The following FBXL17 variants were observed in gnomAD, a reference collection of about 807,000 sequenced individuals.
FBXL17 encodes F-box and leucine rich repeat protein 17.
FBXL17 carries 22 observed loss-of-function variants against 66.2 expected under a neutral mutation model. That is an observed-to-expected ratio of 0.33 (90% CI 0.24 to 0.47). The LOEUF (loss-of-function observed/expected upper bound fraction) is 0.47. FBXL17 is among the 20% of genes least tolerant of loss of function. The pLI, the probability that FBXL17 is intolerant of heterozygous loss-of-function variation, is 1.00. For missense variants in FBXL17, 878 were observed against 948.2 expected (o/e 0.93, Z 0.97); for synonymous variants, 474 against 400.5 (o/e 1.18, Z -2.19).
At chr5:108,284,985 A>G (rs1414143952) in intron 4 of FBXL17, among the ~76,000 whole-genome samples, 1 of 151,902 alleles carries the variant, frequency 6.6e-6, no homozygotes, top group Non-Finnish European at 1.5e-5. Context: ...AATTGAAGTA[A>G]ATCCTCTCAA....
At chr5:108,131,446 C>T (rs2149976725) in intron 6 of FBXL17, among the ~76,000 whole-genome samples, 1 of 152,196 alleles carries the variant, frequency 6.6e-6, no homozygotes, top group East Asian at 1.9e-4. Context: ...GAGGTGGATG[C>T]TTCTATGAAA....
chr5:107,924,431 G>A (rs1021838562), intron 7 of FBXL17, among the ~76,000 whole-genome samples: 1 of 152,088 alleles, frequency 6.6e-6, no homozygotes, highest in African/African-American at 2.4e-5. Context: ...ATGGTATCTA[G>A]GCATTTGCAT....
At chr5:108,240,162 C>T (rs1412169495) in intron 4 of FBXL17, among the ~76,000 whole-genome samples, 2 of 152,084 alleles carry the variant, frequency 1.3e-5, no homozygotes, top group Admixed American at 1.3e-4. Context: ...AAAAAAACTC[C>T]TTCTACTTGA....
intron 6 of FBXL17, among the ~76,000 whole-genome samples, chr5:108,058,725 C>G (rs571257660): frequency 3.3e-5 from 5 of 152,080 alleles, no homozygotes; most frequent in African/African-American, 1.2e-4. Context: ...TGAATTTGGG[C>G]CAGGTCTGTA....
At chr5:107,877,210 A>T (rs1748641190) in intron 8 of FBXL17, among the ~76,000 whole-genome samples, 1 of 152,174 alleles carries the variant, frequency 6.6e-6, no homozygotes. Context: ...TGACTTTACA[A>T]CTGCCTGGGG....
At chr5:108,243,360 T>A (rs1755948177) in intron 4 of FBXL17, among the ~76,000 whole-genome samples, 1 of 152,210 alleles carries the variant, frequency 6.6e-6, no homozygotes, top group East Asian at 1.9e-4. Context: ...GACTGTTCCA[T>A]CTTTAATTAA....
intron 4 of FBXL17, among the ~76,000 whole-genome samples, chr5:108,325,212 TA>T (rs1397436620): frequency 1.3e-5 from 2 of 152,086 alleles, no homozygotes; most frequent in Non-Finnish European, 2.9e-5. Context: ...TTACCACAAT[TA>T]TTTTTTTATT....
intron 7 of FBXL17, among the ~76,000 whole-genome samples, chr5:107,882,612 A>G (rs1748830682): frequency 6.6e-6 from 1 of 152,180 alleles, no homozygotes; most frequent in East Asian, 1.9e-4. Flanking sequence ...AAAAGTTTGC[A>G]GAAATGGTCT....
intron 4 of FBXL17, among the ~76,000 whole-genome samples, chr5:108,321,658 AT>A (rs1396652123): frequency 1.3e-5 from 2 of 151,856 alleles, no homozygotes; most frequent in Non-Finnish European, 2.9e-5. Flanking sequence ...CTTTCTAACT[AT>A]AACTCAAAAC....
At chr5:107,879,978 T>C (rs756705064) in intron 8 of FBXL17, 75 of 818,884 alleles carry the variant, frequency 9.2e-5, no homozygotes, top group Non-Finnish European at 1.1e-4. Context: ...CCCTTCACAA[T>C]GCAAATAACT....
intron 6 of FBXL17, among the ~76,000 whole-genome samples, chr5:108,184,350 A>T (rs764957134): frequency 6.6e-6 from 1 of 152,012 alleles, no homozygotes; most frequent in African/African-American, 2.4e-5. Context: ...TCTATCACCC[A>T]GGCTGGAGTG....
chr5:107,900,311 T>C (rs539960104), intron 7 of FBXL17, among the ~76,000 whole-genome samples: 44 of 152,292 alleles, frequency 2.9e-4, no homozygotes, highest in African/African-American at 1.0e-3. Flanking sequence ...ATATATGTAA[T>C]AGTGATTACA....
chr5:108,109,489 T>C (rs2149951147), intron 6 of FBXL17, among the ~76,000 whole-genome samples: 1 of 152,352 alleles, frequency 6.6e-6, no homozygotes, highest in East Asian at 1.9e-4. Flanking sequence ...TGACTGACTT[T>C]TTCATCAAAC....
chr5:108,049,309 AT>A lies in FBXL17; in HGVS notation c.1746-28309del, dbSNP rs112236020. Among the ~76,000 whole-genome samples, 892 of 145,340 alleles carry A rather than the reference AT, an allele frequency of 6.1e-3. 7 individuals are homozygous for A. The highest frequency in any genetic ancestry group is 0.016 in the African/African-American group (624 of 39,990). On this transcript the variant is annotated intron_variant, in intron 6 of 8. Coordinates refer to ENST00000542267, the MANE Select transcript of FBXL17 (RefSeq NM_001163315.3). ...AGGCACCCACCACCACACCCAGCTA[AT>A]TTTTTTTTTTTTAATCTTTAGTACA...
intron 3 of FBXL17, among the ~76,000 whole-genome samples, chr5:108,352,603 T>A (rs535256673): frequency 6.6e-6 from 1 of 151,302 alleles, no homozygotes; most frequent in Non-Finnish European, 1.5e-5. Flanking sequence ...CTCCACCTTC[T>A]GGTTTCAAGC....
At chr5:108,012,798 C>A (rs902924733) in intron 7 of FBXL17, among the ~76,000 whole-genome samples, 3 of 151,968 alleles carry the variant, frequency 2.0e-5, no homozygotes, top group African/African-American at 7.2e-5. Flanking sequence ...GGCGGATCAC[C>A]TGATGTTGAG....
chr5:107,885,754 CAGG>C (rs58869587), intron 7 of FBXL17, among the ~76,000 whole-genome samples: 3,887 of 152,054 alleles, frequency 0.026, 187 homozygotes, highest in African/African-American at 0.09. Flanking sequence ...GCACAAGTAA[CAGG>C]AGAAGCATAA....
chr5:107,956,012 C>T (rs1300291925), intron 7 of FBXL17, among the ~76,000 whole-genome samples: 1 of 152,110 alleles, frequency 6.6e-6, no homozygotes, highest in East Asian at 1.9e-4. Context: ...AACCCTTCAG[C>T]TTTCTTGGGA....
chr5:107,866,163 T>C (rs1392946248), intron 8 of FBXL17, among the ~76,000 whole-genome samples: 3 of 152,138 alleles, frequency 2.0e-5, no homozygotes, highest in African/African-American at 4.8e-5. Context: ...AAACTATCAA[T>C]GGCAACTCCT....
Sources: allele counts gnomAD v4.1 joint callset (sites outside exome capture counted in the v4.1 genomes callset), GRCh38; gene constraint gnomAD v4.1.1; transcripts MANE v1.5; gene names NCBI Gene and HGNC (gene_info 2026-07-23, HGNC 2026-07-21).